Variants in DGKZ observed in about 807,000 individuals in gnomAD.
The protein encoded by DGKZ is diacylglycerol kinase zeta.
A neutral mutation model predicts 142.5 loss-of-function variants in DGKZ; 45 were observed. The ratio of observed to expected loss-of-function variants is 0.32; its 90% confidence interval spans 0.25 to 0.40. The LOEUF is 0.40. Ranked by LOEUF, DGKZ falls within the 10% of genes least tolerant of loss-of-function variation. The pLI, the probability that DGKZ is intolerant of heterozygous loss-of-function variation, is 1.00. For missense variants in DGKZ, 755 were observed against 1,306.5 expected (o/e 0.58, Z 6.51); for synonymous variants, 442 against 527.0 (o/e 0.84, Z 2.21).
chr11:46,348,605 G>A (rs767089629), intron 1 of DGKZ, among the ~76,000 whole-genome samples: 1 of 152,158 alleles, frequency 6.6e-6, no homozygotes, highest in Non-Finnish European at 1.5e-5. Flanking sequence ...CACTCCAAAT[G>A]TCACCATCTT....
In DGKZ at chr11:46,367,506, G is replaced by C. The variant is rs111873112; in HGVS notation, c.270+107G>C. 4.4e-6 allele frequency: 6 copies of C among 1,374,830 alleles called. No homozygotes were observed. In the African/African-American group the frequency reaches 8.7e-5, roughly 20 times the overall value. 85.2% of individuals were successfully genotyped at this position (1,374,830 alleles called of 1,614,324 possible). On this transcript the variant is annotated intron_variant, in intron 2 of 30. Transcript: ENST00000527911. This position sits in a 1 kb window ranked among gnomAD's most constrained non-coding sequence, Gnocchi z 4.1. Reference sequence around the variant, plus strand: ...AGCTGGGAGAGCCAAGCCTGGAAGGGTTGGGACAGTGGGGCAGACGGAACA... The same window carrying C: ...AGCTGGGAGAGCCAAGCCTGGAAGGCTTGGGACAGTGGGGCAGACGGAACA...
In DGKZ at chr11:46,369,621, G is replaced by A. The variant is rs1395726901; in HGVS notation, c.501+71G>A. On this transcript the variant is annotated intron_variant, in intron 5 of 30. Coordinates refer to ENST00000527911, the Ensembl canonical transcript of DGKZ. Reference sequence around the variant, plus strand: ...GCATGGGCCTCTGCGCAGTGCCTCTGGAGTGCCACCAGGGGGCTCGGCTCC... The same window carrying A: ...GCATGGGCCTCTGCGCAGTGCCTCTAGAGTGCCACCAGGGGGCTCGGCTCC... 3 of 1,590,472 alleles carry A rather than the reference G, an allele frequency of 1.9e-6. No homozygotes were observed. In the East Asian group the frequency reaches 6.7e-5, roughly 36 times the overall value.
chr11:46,345,725 G>T, upstream of DGKZ: 1 of 854,888 alleles, frequency 1.2e-6, no homozygotes, highest in Non-Finnish European at 1.7e-6. The surrounding 1 kb of genome is among the most constrained non-coding windows in gnomAD (Gnocchi z 4.1). Flanking sequence ...GGGCAAAGGA[G>T]TTATTGGCAG....
At chr11:46,348,402 C>T (rs539478265) in intron 1 of DGKZ, among the ~76,000 whole-genome samples, 5 of 152,296 alleles carry the variant, frequency 3.3e-5, no homozygotes, top group African/African-American at 9.6e-5. Context: ...TTAAGCTTCT[C>T]CTTGGGGTTG....
intron 1 of DGKZ, among the ~76,000 whole-genome samples, chr11:46,352,152 G>GAGTC (rs1223389978): frequency 1.3e-5 from 2 of 152,254 alleles, no homozygotes; most frequent in African/African-American, 4.8e-5. Flanking sequence ...GGTGAAAGTG[G>GAGTC]AGTCATAGGT....
chr11:46,366,712 G>T, intron 1 of DGKZ: 1 of 1,559,216 alleles, frequency 6.4e-7, no homozygotes, highest in Non-Finnish European at 8.7e-7. Flanking sequence ...CCCAGCCGCT[G>T]TTGCCCCTAC....
At chr11:46,375,741 T>C in intron 20 of DGKZ, 110 bp downstream of exon 20, 1 of 1,494,266 alleles carries the variant, frequency 6.7e-7, no homozygotes, top group Non-Finnish European at 9.0e-7. Context: ...GCCCCAGGGG[T>C]GTTGGGAGTG....
intron 1 of DGKZ, chr11:46,366,703 C>A (rs779898355): frequency 4.5e-6 from 7 of 1,562,592 alleles, no homozygotes; most frequent in African/African-American, 2.7e-5. Context: ...CTCGGGGCGC[C>A]CAGCCGCTGT....
At position 46,365,225 on chromosome 11, in the gene DGKZ, C is replaced by T. The variant is rs1035885273; in HGVS notation, c.162-2066C>T. On this transcript the variant is annotated intron_variant, in intron 1 of 30. Transcript: ENST00000527911. ...CAGGAGGGAGCTCTGGGCTGTGCAG[C>T]GTTTGGAATTGTGAGTATGGGGGCT... 4.1e-6 allele frequency: 4 copies of T among 985,252 alleles called. No homozygotes were observed. In the African/African-American group the frequency reaches 5.2e-5, roughly 13 times the overall value. 61.0% of individuals were successfully genotyped at this position (985,252 alleles called of 1,614,324 possible).
rs3832759 is a variant in DGKZ, at chr11:46,379,202, G to GC, written c.2546dup (p.Glu850ArgfsTer4). 11 of 1,612,798 alleles carry GC rather than the reference G, an allele frequency of 6.8e-6. No homozygotes were observed. Among genetic ancestry groups the GC allele is most frequent in the Admixed American group, 1.7e-5 (1 of 59,982 alleles). On this transcript the variant is annotated frameshift_variant and splice_region_variant. Transcript: ENST00000527911. LOFTEE classifies it high-confidence loss of function. Reference sequence around the variant, plus strand: ...TCTGACCACCACCTCCCCTTCTCCAGCCCCCCCAGAGATCCTTGATGCGGT... The same window carrying GC: ...TCTGACCACCACCTCCCCTTCTCCAGCCCCCCCCAGAGATCCTTGATGCGGT...
At chr11:46,370,520 A>T (rs563157715) in intron 6 of DGKZ, among the ~76,000 whole-genome samples, 2 of 152,204 alleles carry the variant, frequency 1.3e-5, no homozygotes, top group Non-Finnish European at 2.9e-5. Flanking sequence ...GGCCCACTGC[A>T]GGCCTTTCAT....
exon 22 of DGKZ, chr11:46,376,106 C>T (rs1944495912): frequency 5.6e-6 from 9 of 1,611,608 alleles, no homozygotes; most frequent in Non-Finnish European, 7.6e-6. Flanking sequence ...GAGACAGTGA[C>T]CTAGAGCTCT....
chr11:46,367,458 T>TGGCGGGTGGAGGCACTAAA lies in DGKZ; in HGVS notation c.270+63_270+81dup. The TGGCGGGTGGAGGCACTAAA allele has an allele frequency of 6.4e-7, 1 of 1,568,348 alleles. No homozygotes were observed. Among genetic ancestry groups the TGGCGGGTGGAGGCACTAAA allele is most frequent in the Non-Finnish European group, 8.7e-7 (1 of 1,147,668 alleles). ...TCTGGGCTCTTGGCCAAGGCGCAGC[T>TGGCGGGTGGAGGCACTAAA]GGCGGGTGGAGGCACTAAAGGCAGC... On this transcript the variant is annotated intron_variant, in intron 2 of 30. Coordinates refer to ENST00000527911, the Ensembl canonical transcript of DGKZ. The surrounding 1 kb of genome is among the most constrained non-coding windows in gnomAD (Gnocchi z 4.1).
chr11:46,369,484 T>C lies in DGKZ; in HGVS notation c.445-10T>C. 1 of 1,614,136 alleles carries C rather than the reference T, an allele frequency of 6.2e-7. No individual in the cohort carries two copies. Among genetic ancestry groups the C allele is most frequent in the Non-Finnish European group, 8.5e-7 (1 of 1,180,032 alleles). ...TCTGACATTTTGGTGGTCACTGCCA[T>C]GTTTCACAGATAAATTTCCGCTGTA... is the stretch of plus-strand genomic sequence containing the variant. On this transcript the variant is annotated splice_polypyrimidine_tract_variant and intron_variant, in intron 4 of 30. Coordinates refer to ENST00000527911, the Ensembl canonical transcript of DGKZ.
intron 4 of DGKZ, 96 bp downstream of exon 4, chr11:46,368,175 C>T (rs1392891066): frequency 1.5e-6 from 2 of 1,312,526 alleles, no homozygotes; most frequent in Admixed American, 1.8e-5. Flanking sequence ...AACGGCCTGC[C>T]AGGAGTGACC....
At chr11:46,369,575 T>TGGGG (rs765481690) in intron 5 of DGKZ, 25 bp downstream of exon 5, 1 of 1,611,838 alleles carries the variant, frequency 6.2e-7, no homozygotes, top group South Asian at 1.1e-5. Context: ...TGGTCAGGGA[T>TGGGG]GGGGCCACCC....
chr11:46,354,971 C>T (rs768782989), intron 1 of DGKZ, among the ~76,000 whole-genome samples: 13 of 152,218 alleles, frequency 8.5e-5, no homozygotes, highest in East Asian at 1.9e-4. Context: ...TGCAGTTTTT[C>T]GCTATTGCAA....
chr11:46,340,079 G>A (rs1254757942), intron 1 of DGKZ, among the ~76,000 whole-genome samples: 1 of 152,248 alleles, frequency 6.6e-6, no homozygotes, highest in East Asian at 1.9e-4. Flanking sequence ...GTTGGCAGAA[G>A]TTAAGCAATG....
At chr11:46,377,090 G>C (rs761666717) in exon 25 of DGKZ, 4 of 1,613,344 alleles carry the variant, frequency 2.5e-6, no homozygotes, top group Non-Finnish European at 3.4e-6. Context: ...TCAACTATGT[G>C]ACTGAGATCG....
Sources: gnomAD v4.1 joint callset for allele counts (sites outside exome capture counted in the v4.1 genomes callset) on GRCh38, gnomAD v4.1.1 for gene constraint, Gnocchi (gnomAD v3.1) non-coding constraint, MANE v1.5 for transcripts, NCBI Gene and HGNC (gene_info 2026-07-23, HGNC 2026-07-21) for gene names.